LRIF1: variants seen among roughly 807,000 people sequenced by gnomAD.
The protein encoded by LRIF1 is ligand dependent nuclear receptor interacting factor 1, also known as ligand-dependent nuclear receptor-interacting factor 1.
Under a neutral mutation model 52.7 loss-of-function variants are expected in LRIF1, and 32 were observed. The observed-to-expected ratio is 0.61, with a 90% CI of 0.46 to 0.82. LRIF1 has a LOEUF of 0.82. Among genes scored for constraint, LRIF1 ranks in the 40% least tolerant of loss-of-function variants. The pLI is 0.00. For missense variants in LRIF1, 887 were observed against 892.0 expected, an observed-to-expected ratio of 0.99 and a Z score of 0.07; for synonymous variants, 323 against 317.4, an observed-to-expected ratio of 1.02 and a Z score of -0.19.
chr1:110,875,926 C>G, the LRIF1 span, among the ~76,000 whole-genome samples: 5 of 152,204 alleles, frequency 3.3e-5, no homozygotes, highest in African/African-American at 7.2e-5. Context: ...TGAGTGCTCT[C>G]TCTTCATTAT....
At chr1:110,881,827 T>C in the LRIF1 span, among the ~76,000 whole-genome samples, 1 of 152,198 alleles carries the variant, frequency 6.6e-6, no homozygotes, top group Non-Finnish European at 1.5e-5. Context: ...AGTGGTATCT[T>C]ACCATGGTTT....
chr1:110,900,750 CAA>C, the LRIF1 span, among the ~76,000 whole-genome samples: 519 of 112,524 alleles, frequency 4.6e-3, 1 homozygote, highest in African/African-American at 0.016. Flanking sequence ...AGCTCACACT[CAA>C]AAAAAAAAAA....
chr1:110,894,558 A>AG, the LRIF1 span, among the ~76,000 whole-genome samples: 1 of 150,720 alleles, frequency 6.6e-6, no homozygotes, highest in Non-Finnish European at 1.5e-5. Flanking sequence ...TGGGGGGAAA[A>AG]TTTGTATGAA....
the LRIF1 span, among the ~76,000 whole-genome samples, chr1:110,907,369 G>A: frequency 0.051 from 7,798 of 152,178 alleles, 269 homozygotes; most frequent in East Asian, 0.14. Context: ...AAACATTAAG[G>A]TAGATAACTT....
intron 1 of LRIF1, among the ~76,000 whole-genome samples, chr1:110,953,358 C>T (rs1399899104): frequency 6.6e-6 from 1 of 152,188 alleles, no homozygotes; most frequent in Non-Finnish European, 1.5e-5. Context: ...CTATAGATTT[C>T]ACTGAACTGT....
the LRIF1 span, among the ~76,000 whole-genome samples, chr1:110,882,130 A>G: frequency 5.3e-5 from 8 of 152,130 alleles, no homozygotes; most frequent in Admixed American, 5.2e-4. Context: ...AAGAAGTCCA[A>G]TTTATCAACT....
At chr1:110,881,067 G>A in the LRIF1 span, among the ~76,000 whole-genome samples, 2 of 152,174 alleles carry the variant, frequency 1.3e-5, no homozygotes, top group Non-Finnish European at 2.9e-5. Context: ...ATAATACAGG[G>A]GGTGTTGCCA....
chr1:110,948,792 A>T (rs1426397220), intron 3 of LRIF1, among the ~76,000 whole-genome samples: 1 of 152,256 alleles, frequency 6.6e-6, no homozygotes, highest in Non-Finnish European at 1.5e-5. Context: ...AAAGTTCAGA[A>T]TATTACATGA....
the LRIF1 span, among the ~76,000 whole-genome samples, chr1:110,904,125 C>T: frequency 1.3e-5 from 2 of 152,214 alleles, no homozygotes; most frequent in African/African-American, 4.8e-5. Flanking sequence ...AGAATATCAG[C>T]TAGAGTTCTA....
At chr1:110,916,002 G>A in the LRIF1 span, among the ~76,000 whole-genome samples, 2 of 152,106 alleles carry the variant, frequency 1.3e-5, no homozygotes, top group African/African-American at 4.8e-5. Context: ...CATTTTACAC[G>A]TGGTGGAAAA....
chr1:110,917,279 C>T, the LRIF1 span, among the ~76,000 whole-genome samples: 1 of 152,214 alleles, frequency 6.6e-6, no homozygotes, highest in Non-Finnish European at 1.5e-5. Context: ...TGTTGCCACT[C>T]TCTCCCAATT....
chr1:110,920,983 T>C, the LRIF1 span, among the ~76,000 whole-genome samples: 4 of 152,094 alleles, frequency 2.6e-5, no homozygotes, highest in Admixed American at 2.0e-4. Context: ...AAAGTGGTCC[T>C]AGGGAGAATG....
rs1024169926 is a variant in LRIF1, at chr1:110,947,837, C to T, written c.*122G>A. 4.5e-6 allele frequency: 6 copies of T among 1,325,472 alleles called. No homozygotes were observed. The highest frequency in any genetic ancestry group is 4.8e-5 in the East Asian group (2 of 41,662). The allele number at this position is 1,325,472 out of a possible 1,614,324, so 82.1% of individuals were successfully genotyped here. On this transcript the variant is annotated 3_prime_UTR_variant, in exon 4 of 4. Transcript: ENST00000369763. ...TCTGTATTCCTTAAAGTTGTACAAT[C>T]GACTGATGAAAAAACAAGCTTCATA...
At chr1:110,896,783 T>A in the LRIF1 span, 1 of 1,508,988 alleles carries the variant, frequency 6.6e-7, no homozygotes, top group Non-Finnish European at 9.2e-7. Flanking sequence ...TTTAAATGTT[T>A]AATTACCTCG....
the LRIF1 span, chr1:110,892,436 TG>T: frequency 6.2e-7 from 1 of 1,614,082 alleles, no homozygotes; most frequent in Admixed American, 1.7e-5. Flanking sequence ...TCCCTCACGC[TG>T]GGCAATGTGT....
intron 1 of LRIF1, among the ~76,000 whole-genome samples, chr1:110,961,048 T>C (rs1041220626): frequency 6.6e-6 from 1 of 152,224 alleles, no homozygotes; most frequent in East Asian, 1.9e-4. Context: ...GTATCAATCA[T>C]AAACCATACA....
chr1:110,956,897 T>C lies in LRIF1; in HGVS notation c.69-4082A>G, dbSNP rs532784237. 2.2e-4 allele frequency among the ~76,000 whole-genome samples: 34 copies of C among 152,242 alleles called. No homozygotes were observed. The South Asian group carries it at 6.8e-3, about 31-fold the overall frequency. On this transcript the variant is annotated intron_variant, in intron 1 of 3. Transcript: ENST00000369763. ...CAGTCTATTTTCTTTCCTATTATTCTACTAAAACTTCATTCTCAAAGATTA... is the reference window on the plus strand; with the variant it reads ...CAGTCTATTTTCTTTCCTATTATTCCACTAAAACTTCATTCTCAAAGATTA...
At chr1:110,923,962 A>C in the LRIF1 span, among the ~76,000 whole-genome samples, 2 of 152,166 alleles carry the variant, frequency 1.3e-5, no homozygotes, top group African/African-American at 4.8e-5. Context: ...TCTTTCAAAA[A>C]TTTAGCAAAA....
intron 1 of LRIF1, among the ~76,000 whole-genome samples, chr1:110,957,936 C>T (rs746913134): frequency 2.0e-5 from 3 of 152,234 alleles, no homozygotes; most frequent in African/African-American, 4.8e-5. Flanking sequence ...GTGACTTCCA[C>T]CATCTACATG....
Sources: allele counts gnomAD v4.1 joint callset (sites outside exome capture counted in the v4.1 genomes callset), GRCh38; gene constraint gnomAD v4.1.1; transcripts MANE v1.5; gene names NCBI Gene and HGNC (gene_info 2026-07-23, HGNC 2026-07-21).